CSAD: variants seen among roughly 807,000 people sequenced by gnomAD.
CSAD encodes the protein cysteine sulfinic acid decarboxylase, also known as P-selectin cytoplasmic tail-associated protein.
In CSAD, 47 loss-of-function variants were observed where a neutral mutation model predicts 61.5. That is an observed-to-expected ratio of 0.76 (90% CI 0.60 to 0.97). The LOEUF is 0.97. CSAD is among the 50% of genes least tolerant of loss of function. CSAD has a pLI of 0.00. For synonymous variants in CSAD, 245 were observed against 252.7 expected (o/e 0.97, Z 0.29); for missense variants, 611 against 643.6 (o/e 0.95, Z 0.55).
At chr12:53,171,700 G>A (rs556894729) in intron 7 of CSAD, 182 bp downstream of exon 7, 4 of 619,292 alleles carry the variant, frequency 6.5e-6, no homozygotes, top group South Asian at 2.0e-5. Context: ...CTGACCCCAG[G>A]GAATGGTGAC....
rs552954818 is a variant in CSAD at position 53,158,133 on chromosome 12, A to C, written c.*378T>G. ...TTGCGCAGGTCACTGTGGCCTAAAA[A>C]GGCTGTTCTTTTTTATTTTTTTTGG... is the stretch of plus-strand genomic sequence containing the variant. On this transcript the variant is annotated 3_prime_UTR_variant, in exon 17 of 17. Coordinates refer to ENST00000444623, the MANE Select transcript of CSAD (RefSeq NM_001244705.2). 6.3e-6 allele frequency: 1 copy of C among 157,834 alleles called. No homozygotes were observed. The highest frequency in any genetic ancestry group is 1.8e-4 in the East Asian group (1 of 5,420). The allele number at this position is 157,834 out of a possible 1,614,324, so 9.8% of individuals were successfully genotyped here. A position where few individuals can be genotyped will look rare whatever the true frequency, so the allele number is the denominator to read the frequency against.
At position 53,161,146 on chromosome 12, in the gene CSAD, G is replaced by A. The variant is rs761798825; in HGVS notation, c.865C>T (p.Leu289Phe). 4 of 1,614,184 alleles carry A rather than the reference G, an allele frequency of 2.5e-6. No homozygotes were observed. The highest frequency in any genetic ancestry group is 3.4e-6 in the Non-Finnish European group (4 of 1,180,024). ...ATGCACCTCTGGATCCCATCCAGGA[G>A]ATGCCTGTGTGTCTGTGACAGCAGG... ...SVLLSQTHRH[L>F]LDGIQRADSV... The change falls in exon 12 of 17, where the codon CTC (leucine) becomes TTC (phenylalanine). Residue 289 changes from leucine to phenylalanine, a missense_variant. Physicochemically the swap from Leu to Phe is conservative, Grantham distance 22 (BLOSUM62 0). Coordinates refer to ENST00000444623, the MANE Select transcript of CSAD (RefSeq NM_001244705.2).
chr12:53,159,967 C>A, intron 14 of CSAD, 29 bp from the exon 15 acceptor site: 1 of 1,603,702 alleles, frequency 6.2e-7, no homozygotes, highest in Admixed American at 1.7e-5. Context: ...AAACCATAGG[C>A]GGGGAGGAAA....
chr12:53,180,955 C>T (rs1344634499), upstream of CSAD: 2 of 573,208 alleles, frequency 3.5e-6, no homozygotes, highest in Non-Finnish European at 4.2e-6. Context: ...GGGCGCGTGG[C>T]GAAGGGAGGG....
At chr12:53,175,327 G>A (rs891055381) in intron 2 of CSAD, among the ~76,000 whole-genome samples, 2 of 152,200 alleles carry the variant, frequency 1.3e-5, no homozygotes, top group South Asian at 4.1e-4. Context: ...GGGCCTGAGG[G>A]AAGAGGGAGT....
intron 10 of CSAD, among the ~76,000 whole-genome samples, chr12:53,166,485 G>C (rs959660406): frequency 6.6e-6 from 1 of 152,146 alleles, no homozygotes; most frequent in Non-Finnish European, 1.5e-5. Flanking sequence ...GATGAGTATG[G>C]AGTTTCAGTT....
chr12:53,181,038 C>G (rs1047486998), upstream of CSAD: 7 of 880,610 alleles, frequency 7.9e-6, no homozygotes, highest in Admixed American at 4.2e-4. Flanking sequence ...GCCGCGTCCC[C>G]GGCCCGGGAG....
At position 53,170,219 on chromosome 12, in the gene CSAD, G is replaced by C; in HGVS notation, c.648-93C>G. 3.2e-6 allele frequency: 4 copies of C among 1,235,702 alleles called. No homozygotes were observed. The South Asian group carries it at 3.7e-5, about 11-fold the overall frequency. 76.5% of individuals were successfully genotyped at this position (1,235,702 alleles called of 1,614,324 possible). A position where few individuals can be genotyped will look rare whatever the true frequency, so the allele number is the denominator to read the frequency against. ...TAGCAATGCAGAGACAACAGTGCTA[G>C]TTTTTCCCTCAGGGGGTGAAACAGA... is the stretch of plus-strand genomic sequence containing the variant. On this transcript the variant is annotated intron_variant, in intron 9 of 16. Coordinates refer to ENST00000444623, the MANE Select transcript of CSAD (RefSeq NM_001244705.2).
chr12:53,171,700 G>C (rs556894729), intron 7 of CSAD, 182 bp downstream of exon 7: 2 of 619,174 alleles, frequency 3.2e-6, no homozygotes, highest in Non-Finnish European at 5.6e-6. Flanking sequence ...CTGACCCCAG[G>C]GAATGGTGAC....
intron 10 of CSAD, among the ~76,000 whole-genome samples, chr12:53,162,394 C>G (rs896886600): frequency 6.6e-5 from 10 of 150,404 alleles, no homozygotes; most frequent in Non-Finnish European, 1.3e-4. Context: ...ATGGTGAAAC[C>G]CTGTCTCTCC....
chr12:53,162,698 G>C (rs2121417535), intron 10 of CSAD, among the ~76,000 whole-genome samples: 1 of 152,244 alleles, frequency 6.6e-6, no homozygotes, highest in East Asian at 1.9e-4. Context: ...CAAGGCAGGA[G>C]AATTGCTTGA....
chr12:53,160,904 C>A, intron 12 of CSAD, 60 bp from the exon 13 acceptor site: 1 of 1,459,544 alleles, frequency 6.9e-7, no homozygotes, highest in Non-Finnish European at 9.4e-7. Context: ...CAACCAGAGC[C>A]CTTCCTCCTT....
In CSAD at chr12:53,173,312, C is replaced by T. The variant is rs373673913; in HGVS notation, c.126+33G>A. On this transcript the variant is annotated intron_variant, in intron 4 of 16. Coordinates refer to ENST00000444623, the MANE Select transcript of CSAD (RefSeq NM_001244705.2). Reference sequence around the variant, plus strand: ...AAAAGAGAAAAGAAAAGAAAGAAAGCTTGATGGGAAGGAGGAGGAAGAAAG... The same window carrying T: ...AAAAGAGAAAAGAAAAGAAAGAAAGTTTGATGGGAAGGAGGAGGAAGAAAG... 42 of 1,580,446 alleles carry T rather than the reference C, an allele frequency of 2.7e-5. 1 individual carries two copies. In the African/African-American group the frequency reaches 4.9e-4, roughly 18 times the overall value.
At chr12:53,166,936 C>A (rs192603464) in intron 10 of CSAD, among the ~76,000 whole-genome samples, 70 of 152,168 alleles carry the variant, frequency 4.6e-4, no homozygotes, top group African/African-American at 1.5e-3. Context: ...GTTACACACA[C>A]AAAAAAACAA....
chr12:53,168,341 C>T (rs369880853), intron 10 of CSAD, among the ~76,000 whole-genome samples: 9 of 151,996 alleles, frequency 5.9e-5, no homozygotes, highest in African/African-American at 1.9e-4. Context: ...TAAATAGTAC[C>T]CTTTAAGTGG....
intron 6 of CSAD, 114 bp downstream of exon 6, chr12:53,172,232 A>T: frequency 9.7e-7 from 1 of 1,031,284 alleles, no homozygotes. Context: ...GCCGACAGGG[A>T]TTCCCAGAAG....
chr12:53,164,736 CA>C (rs1685887991), intron 10 of CSAD: 2 of 151,992 alleles, frequency 1.3e-5, no homozygotes, highest in Admixed American at 6.6e-5. Flanking sequence ...ATAAAAGTTT[CA>C]AAAAAGTGAA....
At chr12:53,180,047 C>A in intron 1 of CSAD, 2 of 1,416,028 alleles carry the variant, frequency 1.4e-6, no homozygotes, top group Non-Finnish European at 1.8e-6. Flanking sequence ...AGGTAACCAA[C>A]CAGGCTGGCC....
At chr12:53,176,633 G>A (rs1011820266) in intron 2 of CSAD, among the ~76,000 whole-genome samples, 6 of 150,770 alleles carry the variant, frequency 4.0e-5, no homozygotes, top group Admixed American at 1.3e-4. Flanking sequence ...GCAGGAGAAC[G>A]GCGAGAACCC....
Sources: allele counts gnomAD v4.1 joint callset (sites outside exome capture counted in the v4.1 genomes callset), GRCh38; gene constraint gnomAD v4.1.1; transcripts MANE v1.5; gene names NCBI Gene and HGNC (gene_info 2026-07-23, HGNC 2026-07-21).